Variants in AP5Z1 observed in about 807,000 individuals in gnomAD.
The protein encoded by AP5Z1 is adaptor related protein complex 5 subunit zeta 1.
Under a neutral mutation model 83.0 loss-of-function variants are expected in AP5Z1, and 106 were observed. The observed-to-expected ratio is 1.28, with a 90% CI of 1.09 to 1.50. The LOEUF (loss-of-function observed/expected upper bound fraction) is 1.50, where lower values mean the gene tolerates loss of function less well. Among genes scored for constraint, AP5Z1 ranks in the 40% most tolerant of loss-of-function variants. The probability of loss-of-function intolerance (pLI) is 0.00; values close to 1 mark genes in which losing one functional copy is unlikely to be tolerated. For synonymous variants in AP5Z1, 751 were observed against 514.1 expected (o/e 1.46, Z -6.23); for missense variants, 1,565 against 1,094.2 (o/e 1.43, Z -6.07).
intron 14 of AP5Z1, 113 bp from the exon 15 acceptor site, chr7:4,790,346 G>A (rs1781718962): frequency 1.9e-6 from 3 of 1,565,068 alleles, no homozygotes; most frequent in South Asian, 2.3e-5. Context: ...ATCGGAGGGT[G>A]CAGCATACAC....
intron 4 of AP5Z1, 67 bp downstream of exon 4, chr7:4,783,527 T>C: frequency 1.4e-6 from 2 of 1,461,712 alleles, no homozygotes; most frequent in Non-Finnish European, 1.9e-6. Context: ...TGAGGGCCCA[T>C]GGTGGGTTGG....
chr7:4,776,381 G>C (rs1373363720), intron 1 of AP5Z1, among the ~76,000 whole-genome samples: 2 of 151,982 alleles, frequency 1.3e-5, no homozygotes, highest in Non-Finnish European at 2.9e-5. Context: ...ACAGACTCAC[G>C]GTCCACCAAA....
intron 12 of AP5Z1, 35 bp from the exon 13 acceptor site, chr7:4,788,805 A>G: frequency 6.5e-7 from 1 of 1,531,312 alleles, no homozygotes; most frequent in Non-Finnish European, 8.8e-7. Flanking sequence ...CAGGTCGGGG[A>G]GCGGGCAGCA....
At chr7:4,790,393 T>TTGGCCTGGA (rs765605318) in intron 14 of AP5Z1, 66 bp from the exon 15 acceptor site, 2 of 1,609,370 alleles carry the variant, frequency 1.2e-6, no homozygotes, top group Admixed American at 3.4e-5. Context: ...CTCCAGGCCC[T>TTGGCCTGGA]TGGCCTGGAT....
intron 16 of AP5Z1, 54 bp from the exon 17 acceptor site, chr7:4,791,061 C>A: frequency 6.6e-7 from 1 of 1,510,672 alleles, no homozygotes; most frequent in East Asian, 2.4e-5. Context: ...CCACACAGAC[C>A]CCTGTCCTGG....
intron 1 of AP5Z1, among the ~76,000 whole-genome samples, chr7:4,778,090 T>C (rs1197411755): frequency 1.3e-5 from 2 of 152,058 alleles, no homozygotes; most frequent in East Asian, 1.9e-4. Context: ...CCAGGTGTGG[T>C]GGCACGTACC....
chr7:4,787,194 G>A (rs1408459777), intron 10 of AP5Z1, among the ~76,000 whole-genome samples: 2 of 151,928 alleles, frequency 1.3e-5, no homozygotes, highest in African/African-American at 4.8e-5. Flanking sequence ...TGACCTGTTG[G>A]TACGAAAGTA....
chr7:4,790,409 T>TGGGGTC (rs1562414322), intron 14 of AP5Z1, 50 bp from the exon 15 acceptor site: 1 of 1,611,792 alleles, frequency 6.2e-7, no homozygotes, highest in East Asian at 2.2e-5. Flanking sequence ...TGGATGGGGA[T>TGGGGTC]GGGGTCATAG....
In AP5Z1 at chr7:4,781,247, G is replaced by A; in HGVS notation, c.114G>A (p.Gly38=). The change falls in exon 2 of 17, where the codon GGG becomes GGA. Residue 38 remains glycine (G), a synonymous_variant. Transcript: ENST00000649063. ...ICKLLQAEDL[G]PDTLDSLQRL... is the part of the protein sequence containing the mutation. ...AACTGCTGCAGGCGGAGGACTTGGG[G>A]CCGGACACCCTCGACTCCCTGCAGA... The A allele has an allele frequency of 6.2e-7, 1 of 1,613,946 alleles. No homozygotes were observed. The highest frequency in any genetic ancestry group is 8.5e-7 in the Non-Finnish European group (1 of 1,179,886).
In AP5Z1 at chr7:4,788,925, C is replaced by T. The variant is rs777604868; in HGVS notation, c.1681C>T (p.Gln561Ter). The change falls in exon 13 of 17, where the codon CAG becomes TAG. Residue 561 changes from glutamine to a stop codon, truncating the protein, a stop_gained. Transcript: ENST00000649063. LOFTEE classifies it high-confidence loss of function. The stretch of plus-strand genomic sequence containing the variant: ...TGCCCAGGCCGTGCCCACGCTGCTG[C>T]AGGCATTCTTCTCAGCAGTGACCCA... Reference protein sequence around the residue: ...QCAQAVPTLLQAFFSAVTQVA... With the variant: ...QCAQAVPTLL The T allele has an allele frequency of 4.3e-6, 7 of 1,611,458 alleles. No individual in the cohort carries two copies. The East Asian group carries it at 1.3e-4, about 31-fold the overall frequency.
At chr7:4,777,778 A>G (rs765050205) in intron 1 of AP5Z1, among the ~76,000 whole-genome samples, 1 of 152,120 alleles carries the variant, frequency 6.6e-6, no homozygotes, top group Non-Finnish European at 1.5e-5. Context: ...GAATTTCCCT[A>G]TGTAACATAC....
At chr7:4,786,527 C>T in intron 10 of AP5Z1, 99 bp downstream of exon 10, 2 of 1,389,318 alleles carry the variant, frequency 1.4e-6, no homozygotes, top group Non-Finnish European at 2.0e-6. Context: ...CCTGGCTGAG[C>T]ATAGAGCCCT....
In AP5Z1 at chr7:4,785,699, G is replaced by A. The variant is rs756864809; in HGVS notation, c.1132+15G>A. 6.7e-7 allele frequency: 1 copy of A among 1,491,014 alleles called. No homozygotes were observed. The highest frequency in any genetic ancestry group is 8.9e-7 in the Non-Finnish European group (1 of 1,119,138). 92.4% of individuals were successfully genotyped at this position (1,491,014 alleles called of 1,614,324 possible). A position where few individuals can be genotyped will look rare whatever the true frequency, so the allele number is the denominator to read the frequency against. On this transcript the variant is annotated intron_variant, in intron 9 of 16. Coordinates refer to ENST00000649063, the MANE Select transcript of AP5Z1 (RefSeq NM_014855.3). ...CCTGAGCCACGGTGAGCCCAGGGTG[G>A]GGTGGCGCTGACTCGGGGCTCTGCT... is the stretch of plus-strand genomic sequence containing the variant.
At position 4,786,265 on chromosome 7, in the gene AP5Z1, T is replaced by A; in HGVS notation, c.1148T>A (p.Val383Glu). The A allele has an allele frequency of 6.2e-7, 1 of 1,607,658 alleles. No individual in the cohort carries two copies. Among genetic ancestry groups the A allele is most frequent in the Non-Finnish European group, 8.5e-7 (1 of 1,175,980 alleles). ...GGTCTTGCAGGGGAAGCGGCTGCAG[T>A]GGACTCGGAAGCCGTCTACCAGCAC... ...FFLSHGEAAA[V>E]DSEAVYQHLF... The change falls in exon 10 of 17, where the codon GTG becomes GAG. Residue 383 changes from valine to glutamate, a missense_variant. Transcript: ENST00000649063.
rs748435189 is a variant in AP5Z1, at chr7:4,788,957, C to T, written c.1707+6C>T. 6.1e-5 allele frequency: 98 copies of T among 1,608,212 alleles called. No individual in the cohort carries two copies. Among genetic ancestry groups the T allele is most frequent in the Non-Finnish European group, 8.1e-5 (96 of 1,178,086 alleles). The stretch of plus-strand genomic sequence containing the variant: ...TCTTCTCAGCAGTGACCCAGGTGAG[C>T]TCGCTGCCTGGGGCCCCCCATTCCC... On this transcript the variant is annotated splice_donor_region_variant and intron_variant, in intron 13 of 16. Coordinates refer to ENST00000649063, the MANE Select transcript of AP5Z1 (RefSeq NM_014855.3).
chr7:4,781,109 G>A (rs562690429), intron 1 of AP5Z1, 66 bp from the exon 2 acceptor site: 2 of 1,578,806 alleles, frequency 1.3e-6, no homozygotes, highest in African/African-American at 1.4e-5. Context: ...CTGCTCCAAG[G>A]GTTATCCTTT....
chr7:4,789,089 G>A lies in AP5Z1; in HGVS notation c.1707+138G>A, dbSNP rs971370149. Reference sequence around the variant, plus strand: ...CCCACCATCCACGGTCCCTGTGAGGGTCAGGGAGGCACATGCCACAGCCCC... The same window carrying A: ...CCCACCATCCACGGTCCCTGTGAGGATCAGGGAGGCACATGCCACAGCCCC... On this transcript the variant is annotated intron_variant, in intron 13 of 16. Transcript: ENST00000649063. The A allele has an allele frequency of 1.6e-5, 12 of 737,740 alleles. No individual in the cohort carries two copies. The South Asian group carries it at 2.2e-4, about 13-fold the overall frequency. 45.7% of individuals were successfully genotyped at this position (737,740 alleles called of 1,614,324 possible).
intron 11 of AP5Z1, 27 bp downstream of exon 11, chr7:4,787,803 T>G: frequency 1.3e-6 from 2 of 1,510,520 alleles, no homozygotes; most frequent in South Asian, 1.2e-5. Context: ...CTGCCAGCGC[T>G]GCGTCTCCCA....
rs757442657 is a variant in AP5Z1 at position 4,781,682 on chromosome 7, C to T, written c.294C>T (p.Ser98=). 1 of 1,597,526 alleles carries T rather than the reference C, an allele frequency of 6.3e-7. No individual in the cohort carries two copies. The highest frequency in any genetic ancestry group is 1.3e-5 in the African/African-American group (1 of 74,792). ...AILREMSPSD[S]LSLAWDHTQN... ...TGCGAGAGATGTCCCCCTCTGACAG[C>T]CTCAGCCTGGCCTGGGACCACACGC... Residue 98 remains serine (S), a synonymous_variant, in exon 3 of 17, where the codon AGC becomes AGT. Coordinates refer to ENST00000649063, the MANE Select transcript of AP5Z1 (RefSeq NM_014855.3).
Sources: gnomAD v4.1 joint callset for allele counts (sites outside exome capture counted in the v4.1 genomes callset) on GRCh38, gnomAD v4.1.1 for gene constraint, MANE v1.5 for transcripts, NCBI Gene and HGNC (gene_info 2026-07-23, HGNC 2026-07-21) for gene names.